The following ADAMTS3 variants were observed in gnomAD, a reference collection of about 807,000 sequenced individuals.
ADAMTS3 encodes the protein A disintegrin and metalloproteinase with thrombospondin motifs 3.
Under a neutral mutation model 129.0 loss-of-function variants are expected in ADAMTS3, and 73 were observed. That is an observed-to-expected ratio of 0.57 (90% CI 0.47 to 0.69). The LOEUF (loss-of-function observed/expected upper bound fraction) is 0.69. Ranked by LOEUF, ADAMTS3 falls within the 30% of genes least tolerant of loss-of-function variation. ADAMTS3 has a pLI of 0.00. For missense variants in ADAMTS3, 1,457 were observed against 1,514.5 expected (o/e 0.96, Z 0.63); for synonymous variants, 477 against 510.8 (o/e 0.93, Z 0.89).
intron 4 of ADAMTS3, among the ~76,000 whole-genome samples, chr4:72,345,428 A>T (rs879525392): frequency 6.6e-6 from 1 of 152,174 alleles, no homozygotes; most frequent in Non-Finnish European, 1.5e-5. Flanking sequence ...CTTTTTAAAA[A>T]AATTTAAAGT....
At chr4:72,430,818 C>A (rs1578673399) in intron 3 of ADAMTS3, among the ~76,000 whole-genome samples, 4 of 110,682 alleles carry the variant, frequency 3.6e-5, no homozygotes, top group African/African-American at 3.1e-5. Flanking sequence ...ACAAAGTATC[C>A]AAAATCATTA....
intron 3 of ADAMTS3, among the ~76,000 whole-genome samples, chr4:72,432,757 ATGAG>A (rs137866580): frequency 0.044 from 6,673 of 152,026 alleles, 174 homozygotes; most frequent in African/African-American, 0.053. Flanking sequence ...AATAAAACAG[ATGAG>A]TAAGTTTTTT....
chr4:72,316,228 C>T (rs1264453121), intron 10 of ADAMTS3, among the ~76,000 whole-genome samples: 2 of 152,028 alleles, frequency 1.3e-5, no homozygotes, highest in Non-Finnish European at 2.9e-5. Flanking sequence ...TTTTTGCTTG[C>T]TGTTTTTATG....
intron 2 of ADAMTS3, among the ~76,000 whole-genome samples, chr4:72,562,209 A>G (rs1721920324): frequency 6.6e-6 from 1 of 152,244 alleles, no homozygotes; most frequent in African/African-American, 2.4e-5. Context: ...TTATATTCAA[A>G]TATCAAAAAG....
chr4:72,489,883 C>G (rs1719694774), intron 3 of ADAMTS3, among the ~76,000 whole-genome samples: 1 of 151,710 alleles, frequency 6.6e-6, no homozygotes, highest in South Asian at 2.1e-4. Flanking sequence ...TATATATACC[C>G]AAAAGTAGAT....
At chr4:72,438,503 T>C (rs1354819896) in intron 3 of ADAMTS3, among the ~76,000 whole-genome samples, 3 of 151,784 alleles carry the variant, frequency 2.0e-5, no homozygotes, top group African/African-American at 7.2e-5. Flanking sequence ...AGAATGTCAT[T>C]GTTTTACATT....
chr4:72,319,579 C>G lies in ADAMTS3; in HGVS notation c.1209-104G>C. The G allele has an allele frequency of 5.1e-6, 7 of 1,377,220 alleles. No individual in the cohort carries two copies. In the South Asian group the frequency reaches 1.0e-4, roughly 20 times the overall value. 85.3% of individuals were successfully genotyped at this position (1,377,220 alleles called of 1,614,324 possible). A position where few individuals can be genotyped will look rare whatever the true frequency, so the allele number is the denominator to read the frequency against. ...GGGAAATAACGTATTTTTGAGTCAA[C>G]GTGGCTTTCTTGAAGAAGTCACAGA... On this transcript the variant is annotated intron_variant, in intron 8 of 21. Transcript: ENST00000286657.
chr4:72,288,970 AG>A, intron 20 of ADAMTS3, 102 bp from the exon 21 acceptor site: 1 of 728,184 alleles, frequency 1.4e-6, no homozygotes, highest in Non-Finnish European at 2.4e-6. Context: ...ACACACACAA[AG>A]ACACAGAGAT....
At chr4:72,429,430 T>C (rs1430978264) in intron 3 of ADAMTS3, among the ~76,000 whole-genome samples, 6 of 152,032 alleles carry the variant, frequency 3.9e-5, no homozygotes, top group East Asian at 1.9e-4. Context: ...TCAGTTGTTA[T>C]AGGAGGGAAA....
At chr4:72,497,350 C>T (rs1390954451) in intron 3 of ADAMTS3, among the ~76,000 whole-genome samples, 1 of 151,756 alleles carries the variant, frequency 6.6e-6, no homozygotes, top group African/African-American at 2.4e-5. Flanking sequence ...GTAGAATTAG[C>T]ACATTATTTT....
chr4:72,385,230 CAA>C (rs955758767), intron 4 of ADAMTS3, among the ~76,000 whole-genome samples: 2 of 151,208 alleles, frequency 1.3e-5, no homozygotes, highest in African/African-American at 4.9e-5. Flanking sequence ...TATGTGATTA[CAA>C]AGTTTTCACA....
chr4:72,300,138 A>G (rs113584104), intron 17 of ADAMTS3, among the ~76,000 whole-genome samples: 121 of 152,214 alleles, frequency 7.9e-4, no homozygotes, highest in African/African-American at 2.8e-3. Context: ...AGCATTAAAA[A>G]TCAAGCACCA....
chr4:72,393,810 G>T (rs1334866874), intron 4 of ADAMTS3, among the ~76,000 whole-genome samples: 1 of 152,160 alleles, frequency 6.6e-6, no homozygotes, highest in Non-Finnish European at 1.5e-5. Context: ...AGGAAAGAAG[G>T]TTAAGAACAA....
chr4:72,442,428 G>A (rs766890772), intron 3 of ADAMTS3, among the ~76,000 whole-genome samples: 1 of 151,732 alleles, frequency 6.6e-6, no homozygotes, highest in African/African-American at 2.4e-5. Context: ...TAAAGTGGAT[G>A]AGGCATCACA....
At chr4:72,511,742 C>G (rs1307597303) in intron 3 of ADAMTS3, among the ~76,000 whole-genome samples, 1 of 152,046 alleles carries the variant, frequency 6.6e-6, no homozygotes, top group Non-Finnish European at 1.5e-5. Context: ...ACCATATGAC[C>G]CAGCAATCCT....
chr4:72,339,411 T>A, intron 5 of ADAMTS3, 83 bp downstream of exon 5: 1 of 1,372,508 alleles, frequency 7.3e-7, no homozygotes. Flanking sequence ...ATGGAAGTTC[T>A]CACACAGATT....
chr4:72,378,618 G>T (rs1051273297), intron 4 of ADAMTS3, among the ~76,000 whole-genome samples: 14 of 151,754 alleles, frequency 9.2e-5, no homozygotes, highest in African/African-American at 3.4e-4. Context: ...TGTATATGAT[G>T]TTTCCAAATC....
intron 3 of ADAMTS3, among the ~76,000 whole-genome samples, chr4:72,537,050 T>C (rs1721200155): frequency 6.6e-6 from 1 of 152,188 alleles, no homozygotes; most frequent in Non-Finnish European, 1.5e-5. Flanking sequence ...TGGAACTCTG[T>C]AGTCTACTGA....
At chr4:72,287,991 A>G (rs1456951392) in intron 21 of ADAMTS3, among the ~76,000 whole-genome samples, 1 of 152,142 alleles carries the variant, frequency 6.6e-6, no homozygotes, top group Non-Finnish European at 1.5e-5. Context: ...TCTGCCTCCC[A>G]AGTAGCTGAA....
Sources: allele counts gnomAD v4.1 joint callset (sites outside exome capture counted in the v4.1 genomes callset), GRCh38; gene constraint gnomAD v4.1.1; transcripts MANE v1.5; gene names NCBI Gene and HGNC (gene_info 2026-07-23, HGNC 2026-07-21).